Variants in RBMS3 observed in about 807,000 individuals in gnomAD.
The protein encoded by RBMS3 is RNA binding motif single stranded interacting protein 3.
A neutral mutation model predicts 66.8 loss-of-function variants in RBMS3; 27 were observed. That is an observed-to-expected ratio of 0.40 (90% CI 0.30 to 0.56). The LOEUF (loss-of-function observed/expected upper bound fraction) is 0.56, where lower values mean the gene tolerates loss of function less well. Ranked by LOEUF, RBMS3 falls within the 20% of genes least tolerant of loss-of-function variation. RBMS3 has a pLI of 0.40. For synonymous variants in RBMS3, 188 were observed against 183.0 expected (o/e 1.03, Z -0.22); for missense variants, 513 against 549.5 (o/e 0.93, Z 0.66).
chr3:29,428,181 T>G (rs930345714), intron 1 of RBMS3, among the ~76,000 whole-genome samples: 8 of 152,146 alleles, frequency 5.3e-5, no homozygotes, highest in African/African-American at 1.9e-4. Context: ...GGTCTGGATC[T>G]ACTTAAAATA....
intron 6 of RBMS3, among the ~76,000 whole-genome samples, chr3:29,814,041 G>T (rs952852524): frequency 2.6e-5 from 4 of 151,794 alleles, no homozygotes; most frequent in African/African-American, 4.9e-5. Context: ...GTGAGAGAGG[G>T]CATCCCTGTC....
At chr3:29,434,058 G>A (rs1279748956) in intron 1 of RBMS3, among the ~76,000 whole-genome samples, 2 of 152,106 alleles carry the variant, frequency 1.3e-5, no homozygotes, top group Non-Finnish European at 2.9e-5. Context: ...CTGTCCAGAT[G>A]GTTTATAGTG....
chr3:29,628,365 G>T (rs751003868), intron 4 of RBMS3, among the ~76,000 whole-genome samples: 1 of 152,156 alleles, frequency 6.6e-6, no homozygotes, highest in Non-Finnish European at 1.5e-5. Context: ...AACTGGCTGT[G>T]TCAGTGATTC....
intron 1 of RBMS3, among the ~76,000 whole-genome samples, chr3:29,317,351 A>G (rs1384844854): frequency 1.3e-5 from 2 of 151,774 alleles, no homozygotes; most frequent in African/African-American, 4.8e-5. Context: ...GGAGACTTAC[A>G]GTAGCATATT....
intron 1 of RBMS3, among the ~76,000 whole-genome samples, chr3:29,330,024 A>G (rs531130895): frequency 1.3e-5 from 2 of 152,020 alleles, no homozygotes; most frequent in East Asian, 1.9e-4. Context: ...CAACTATTCA[A>G]ATCTTTGTGA....
rs574985669 is a variant in RBMS3, at chr3:29,994,856, C to T, written c.1307+3647C>T. Reference sequence around the variant, plus strand: ...AACAGGAAAACTGGAAACTCTAAAACGCAGAGTGCCTCTCCTCCTCCAAAG... The same window carrying T: ...AACAGGAAAACTGGAAACTCTAAAATGCAGAGTGCCTCTCCTCCTCCAAAG... On this transcript the variant is annotated intron_variant, in intron 14 of 14. Coordinates refer to ENST00000383767, the MANE Select transcript of RBMS3 (RefSeq NM_001003793.3). Among the ~76,000 whole-genome samples the T allele has an allele frequency of 2.2e-3, 328 of 151,904 alleles. 4 individuals are homozygous for T. Among genetic ancestry groups the T allele is most frequent in the African/African-American group, 6.9e-3 (286 of 41,390 alleles).
intron 4 of RBMS3, among the ~76,000 whole-genome samples, chr3:29,722,117 T>G (rs2053667085): frequency 1.3e-5 from 2 of 152,306 alleles, no homozygotes; most frequent in South Asian, 4.1e-4. Context: ...TTTTATAAGG[T>G]AAAGCACTTA....
intron 1 of RBMS3, among the ~76,000 whole-genome samples, chr3:29,298,228 G>A (rs750857891): frequency 1.7e-4 from 26 of 151,744 alleles, no homozygotes; most frequent in African/African-American, 2.7e-4. Flanking sequence ...TCCTGTACTC[G>A]AATAATACTC....
rs529266382 is a variant in RBMS3, at chr3:29,420,822, C to G, written c.76-13921C>G. Among the ~76,000 whole-genome samples, 3 of 151,872 alleles carry G rather than the reference C, an allele frequency of 2.0e-5. No homozygotes were observed. The East Asian group carries it at 5.8e-4, about 30-fold the overall frequency. ...ATTGTACTTTAGAAAAGGCTATTAT[C>G]GGCCAGGCACGGTGGCTCACGCCTG... is the stretch of plus-strand genomic sequence containing the variant. On this transcript the variant is annotated intron_variant, in intron 1 of 14. Coordinates refer to ENST00000383767, the MANE Select transcript of RBMS3 (RefSeq NM_001003793.3).
At chr3:29,354,593 AC>A (rs2037111645) in intron 1 of RBMS3, among the ~76,000 whole-genome samples, 2 of 152,198 alleles carry the variant, frequency 1.3e-5, no homozygotes, top group African/African-American at 4.8e-5. Context: ...AGACACACAC[AC>A]ACACAAGTAT....
chr3:29,716,909 G>GTACACA (rs2053422465), intron 4 of RBMS3, among the ~76,000 whole-genome samples: 1 of 151,200 alleles, frequency 6.6e-6, no homozygotes, highest in Non-Finnish European at 1.5e-5. Context: ...AATCATTGTA[G>GTACACA]TACATGCATA....
chr3:29,579,422 G>A (rs1010902920), intron 3 of RBMS3, among the ~76,000 whole-genome samples: 2 of 152,264 alleles, frequency 1.3e-5, no homozygotes, highest in South Asian at 4.1e-4. Flanking sequence ...TGGAGGAATA[G>A]TCTATTGTTC....
intron 4 of RBMS3, among the ~76,000 whole-genome samples, chr3:29,650,790 A>T (rs2050118648): frequency 1.3e-5 from 2 of 152,200 alleles, no homozygotes; most frequent in South Asian, 4.1e-4. Context: ...GTTAGCTAAA[A>T]GTACCCATTT....
rs568345659 is a variant in RBMS3 at position 29,863,403 on chromosome 3, A to T, written c.638-5455A>T. ...AATAAAAAGAAAATGTATTTCTGGA[A>T]TTTTTTTAAATGTATCTAGTAAAAC... On this transcript the variant is annotated intron_variant, in intron 6 of 14. Coordinates refer to ENST00000383767, the MANE Select transcript of RBMS3 (RefSeq NM_001003793.3). Among the ~76,000 whole-genome samples the T allele has an allele frequency of 6.0e-4, 91 of 152,186 alleles. 1 individual carries two copies. The highest frequency in any genetic ancestry group is 2.0e-3 in the African/African-American group (85 of 41,524).
At chr3:29,292,178 G>A (rs1057430028) in intron 1 of RBMS3, among the ~76,000 whole-genome samples, 4 of 151,584 alleles carry the variant, frequency 2.6e-5, no homozygotes, top group African/African-American at 7.3e-5. Flanking sequence ...CAATGAATCA[G>A]CTTTGATTGT....
chr3:29,462,498 G>A (rs1404796236), intron 2 of RBMS3, among the ~76,000 whole-genome samples: 1 of 152,182 alleles, frequency 6.6e-6, no homozygotes, highest in Admixed American at 6.5e-5. Flanking sequence ...ATTGTTGGCA[G>A]TTGCCTGGCT....
At chr3:29,488,953 G>A (rs1206107998) in intron 3 of RBMS3, among the ~76,000 whole-genome samples, 1 of 152,152 alleles carries the variant, frequency 6.6e-6, no homozygotes. Context: ...TCAGCTATAA[G>A]CATCTCAGGG....
At chr3:29,404,763 A>C (rs945441591) in intron 1 of RBMS3, among the ~76,000 whole-genome samples, 2 of 152,112 alleles carry the variant, frequency 1.3e-5, no homozygotes, top group Non-Finnish European at 2.9e-5. Flanking sequence ...GGTTACAAAT[A>C]GGTCAGTTCT....
At chr3:29,997,302 G>GGATCACATGGATTCACAGCCGA (rs1699311467) in intron 14 of RBMS3, among the ~76,000 whole-genome samples, 1 of 151,514 alleles carries the variant, frequency 6.6e-6, no homozygotes, top group Admixed American at 6.6e-5. Flanking sequence ...AAAGAGTCCA[G>GGATCACATGGATTCACAGCCGA]GATCACATGG....
Sources: gnomAD v4.1 joint callset for allele counts (sites outside exome capture counted in the v4.1 genomes callset) on GRCh38, gnomAD v4.1.1 for gene constraint, MANE v1.5 for transcripts, NCBI Gene and HGNC (gene_info 2026-07-23, HGNC 2026-07-21) for gene names.